Variants in STK3 observed in about 807,000 individuals in gnomAD.
The protein encoded by STK3 is serine/threonine kinase 3, also known as serine/threonine-protein kinase 3.
Under a neutral mutation model 58.0 loss-of-function variants are expected in STK3, and 41 were observed. The observed-to-expected ratio is 0.71, with a 90% CI of 0.55 to 0.92. The LOEUF is 0.92. Ranked by LOEUF, STK3 falls within the 40% of genes least tolerant of loss-of-function variation. The pLI, the probability that STK3 is intolerant of heterozygous loss-of-function variation, is 0.00. For synonymous variants in STK3, 170 were observed against 191.0 expected, an observed-to-expected ratio of 0.89 and a Z score of 0.91; for missense variants, 479 against 602.7, an observed-to-expected ratio of 0.79 and a Z score of 2.15.
chr8:98,727,760 T>A (rs1489473911), intron 4 of STK3, among the ~76,000 whole-genome samples: 1 of 152,216 alleles, frequency 6.6e-6, no homozygotes, highest in African/African-American at 2.4e-5. Context: ...TAAAGTCTCC[T>A]GCTGCCTTCA....
intron 3 of STK3, among the ~76,000 whole-genome samples, chr8:98,759,859 G>A (rs551056739): frequency 2.0e-4 from 30 of 152,182 alleles, no homozygotes; most frequent in Non-Finnish European, 3.1e-4. Context: ...GAACCCCACA[G>A]ATACCAAAAT....
intron 1 of STK3, among the ~76,000 whole-genome samples, chr8:98,917,012 A>G (rs752502870): frequency 1.3e-5 from 2 of 152,190 alleles, no homozygotes; most frequent in Non-Finnish European, 2.9e-5. Context: ...GCACTTCTTC[A>G]TGCAGGTTCT....
At chr8:98,359,626 T>TCC in the STK3 span, among the ~76,000 whole-genome samples, 1 of 152,110 alleles carries the variant, frequency 6.6e-6, no homozygotes, top group Non-Finnish European at 1.5e-5. Flanking sequence ...TGCAATAGTC[T>TCC]CCTAATGGGT....
At chr8:98,776,433 A>G (rs1056686295) in intron 1 of STK3, among the ~76,000 whole-genome samples, 1 of 151,992 alleles carries the variant, frequency 6.6e-6, no homozygotes, top group Non-Finnish European at 1.5e-5. Flanking sequence ...CTCATTAAAT[A>G]TAATGTTTAT....
At position 98,802,906 on chromosome 8, in the gene STK3, G is replaced by A. The variant is rs572479129; in HGVS notation, c.26+22609C>T. 9.2e-5 allele frequency among the ~76,000 whole-genome samples: 14 copies of A among 152,288 alleles called. No individual in the cohort carries two copies. In the South Asian group the frequency reaches 1.4e-3, roughly 16 times the overall value. On this transcript the variant is annotated intron_variant, in intron 1 of 10. Coordinates refer to ENST00000419617, the MANE Select transcript of STK3 (RefSeq NM_006281.4). ...TGTGAGCATCTGTGTGTGTATGTGC[G>A]TGTTTGCATATGTGTGTATTTCTGC...
At chr8:98,838,024 T>A (rs981226870) in intron 3 of STK3, among the ~76,000 whole-genome samples, 8 of 150,240 alleles carry the variant, frequency 5.3e-5, no homozygotes, top group African/African-American at 2.0e-4. Context: ...AGGTTAGGAG[T>A]TTGAGACCAA....
chr8:98,890,779 G>A (rs908357435), intron 1 of STK3, among the ~76,000 whole-genome samples: 1 of 152,182 alleles, frequency 6.6e-6, no homozygotes, highest in Admixed American at 6.5e-5. Flanking sequence ...AAACCCTTTA[G>A]GAGTTTAGGC....
chr8:98,854,549 A>C (rs1248823788), intron 3 of STK3, among the ~76,000 whole-genome samples: 5 of 152,264 alleles, frequency 3.3e-5, no homozygotes, highest in Non-Finnish European at 5.9e-5. Flanking sequence ...TACAAGATTA[A>C]TATACAAAAA....
At chr8:98,887,885 T>C (rs141933058) in intron 1 of STK3, among the ~76,000 whole-genome samples, 17 of 152,158 alleles carry the variant, frequency 1.1e-4, no homozygotes, top group African/African-American at 4.1e-4. Flanking sequence ...GCTCGAGGCA[T>C]TCGCTGGCCT....
chr8:98,386,574 C>T (rs928286128), intron 1 of STK3, among the ~76,000 whole-genome samples: 2 of 152,004 alleles, frequency 1.3e-5, no homozygotes, highest in Admixed American at 6.5e-5. Context: ...CGCAGGATAA[C>T]AAAAACTAAT....
At chr8:98,359,808 C>G in the STK3 span, among the ~76,000 whole-genome samples, 2 of 152,180 alleles carry the variant, frequency 1.3e-5, no homozygotes, top group Non-Finnish European at 2.9e-5. Context: ...CTCAGAGGCT[C>G]ATCTCTTGCC....
chr8:98,802,461 T>C (rs1016836523), intron 1 of STK3, among the ~76,000 whole-genome samples: 11 of 152,308 alleles, frequency 7.2e-5, no homozygotes, highest in African/African-American at 2.6e-4. Context: ...ATGCAGTATA[T>C]ATAGGGGAAT....
chr8:98,742,293 G>A (rs2131318722), intron 4 of STK3, among the ~76,000 whole-genome samples: 1 of 151,404 alleles, frequency 6.6e-6, no homozygotes, highest in African/African-American at 2.4e-5. Flanking sequence ...GAGAATTTTA[G>A]ACCAATATCC....
intron 4 of STK3, among the ~76,000 whole-genome samples, chr8:98,729,535 T>C (rs1828024893): frequency 6.6e-6 from 1 of 152,252 alleles, no homozygotes; most frequent in African/African-American, 2.4e-5. Flanking sequence ...TGGTGAATAC[T>C]AAGATTCTAT....
At chr8:98,750,785 C>T (rs931537391) in intron 3 of STK3, among the ~76,000 whole-genome samples, 110 of 152,168 alleles carry the variant, frequency 7.2e-4, no homozygotes, top group African/African-American at 2.6e-3. Context: ...CAAAACCTGG[C>T]AGAGATACAA....
chr8:98,357,225 T>C, the STK3 span, among the ~76,000 whole-genome samples: 2 of 152,128 alleles, frequency 1.3e-5, no homozygotes, highest in African/African-American at 4.8e-5. Context: ...GAGATGCAAA[T>C]TGGGTCTCCA....
chr8:98,464,336 G>T (rs1181491285), intron 10 of STK3, among the ~76,000 whole-genome samples: 1 of 151,802 alleles, frequency 6.6e-6, no homozygotes, highest in Non-Finnish European at 1.5e-5. Flanking sequence ...AATTTTTACT[G>T]TGTTGAACAG....
intron 4 of STK3, among the ~76,000 whole-genome samples, chr8:98,734,300 A>G (rs538799982): frequency 9.9e-5 from 15 of 152,228 alleles, no homozygotes; most frequent in Admixed American, 2.6e-4. Context: ...TTATTACTTA[A>G]CAGATGAGGA....
chr8:98,385,056 T>C (rs1817776306), intron 1 of STK3, among the ~76,000 whole-genome samples: 1 of 152,110 alleles, frequency 6.6e-6, no homozygotes, highest in South Asian at 2.1e-4. Flanking sequence ...AAGTTCTTGG[T>C]TTTTGAATTT....
Sources: allele counts gnomAD v4.1 joint callset (sites outside exome capture counted in the v4.1 genomes callset), GRCh38; gene constraint gnomAD v4.1.1; transcripts MANE v1.5; gene names NCBI Gene and HGNC (gene_info 2026-07-23, HGNC 2026-07-21).